The following ASAP1 variants were observed in gnomAD, a reference collection of about 807,000 sequenced individuals.
The protein encoded by ASAP1 is ArfGAP with SH3 domain, ankyrin repeat and PH domain 1, also known as arf-GAP with SH3 domain, ANK repeat and PH domain-containing protein 1.
Under a neutral mutation model 145.2 loss-of-function variants are expected in ASAP1, and 43 were observed. That is an observed-to-expected ratio of 0.30 (90% CI 0.23 to 0.38). ASAP1 has a LOEUF of 0.38. Ranked by LOEUF, ASAP1 falls within the 10% of genes least tolerant of loss-of-function variation. The pLI, the probability that ASAP1 is intolerant of heterozygous loss-of-function variation, is 1.00. For synonymous variants in ASAP1, 546 were observed against 515.5 expected, an observed-to-expected ratio of 1.06 and a Z score of -0.80; for missense variants, 1,018 against 1,355.3, an observed-to-expected ratio of 0.75 and a Z score of 3.91.
chr8:130,112,303 T>C lies in ASAP1; in HGVS notation c.2192A>G (p.Glu731Gly), dbSNP rs1344416817. 6.2e-7 allele frequency: 1 copy of C among 1,614,014 alleles called. No homozygotes were observed. Among genetic ancestry groups the C allele is most frequent in the Non-Finnish European group, 8.5e-7 (1 of 1,179,960 alleles). ...GAAGCTCTGAGGTCTGGGTGAGCGC[T>C]CTTTCTTGATAGGGCTTGGCTGGCA... ...LDDKPSPIKK[E>G]RSPRPQSFCH... The change falls in exon 24 of 30, where the codon GAG becomes GGG. Residue 731 changes from glutamate (E) to glycine (G), a missense_variant. By Grantham distance (98) the Glu-to-Gly change is moderately conservative. Coordinates refer to ENST00000518721, the MANE Select transcript of ASAP1 (RefSeq NM_018482.4).
At chr8:130,384,052 T>C (rs918491290) in intron 2 of ASAP1, among the ~76,000 whole-genome samples, 5 of 152,180 alleles carry the variant, frequency 3.3e-5, no homozygotes, top group Admixed American at 2.6e-4. Flanking sequence ...AATGCTTGCA[T>C]AGGGGAAGCC....
intron 15 of ASAP1, 95 bp downstream of exon 15, chr8:130,134,201 T>C: frequency 1.0e-6 from 1 of 968,254 alleles, no homozygotes. Context: ...CCAGGCGAGG[T>C]TCTTACAAAT....
intron 10 of ASAP1, among the ~76,000 whole-genome samples, chr8:130,168,781 C>A (rs1002103071): frequency 2.0e-5 from 3 of 152,164 alleles, no homozygotes; most frequent in Non-Finnish European, 4.4e-5. Flanking sequence ...ATACTCCCCT[C>A]CCTGCTCCTC....
intron 5 of ASAP1, among the ~76,000 whole-genome samples, chr8:130,201,961 A>G (rs1205992398): frequency 1.3e-5 from 2 of 152,174 alleles, no homozygotes; most frequent in Admixed American, 6.5e-5. Flanking sequence ...TTCAACAAAC[A>G]TATGCAAGCA....
chr8:130,265,130 G>C (rs1820164865), intron 3 of ASAP1, among the ~76,000 whole-genome samples: 1 of 152,154 alleles, frequency 6.6e-6, no homozygotes. Flanking sequence ...ACTGTGATGG[G>C]GGAGCTTGTT....
chr8:130,361,577 A>G, intron 2 of ASAP1: 1 of 958,926 alleles, frequency 1.0e-6, no homozygotes, highest in South Asian at 1.4e-5. Context: ...CAAGAAAGGA[A>G]TATGCTCACA....
At chr8:130,220,923 G>C (rs753964162) in intron 4 of ASAP1, among the ~76,000 whole-genome samples, 21 of 152,272 alleles carry the variant, frequency 1.4e-4, no homozygotes, top group Admixed American at 8.5e-4. Flanking sequence ...CAGTCACTAT[G>C]ATGAGAACAG....
intron 24 of ASAP1, among the ~76,000 whole-genome samples, chr8:130,104,519 G>A (rs1592808308): frequency 1.3e-5 from 2 of 152,296 alleles, no homozygotes; most frequent in East Asian, 3.9e-4. Context: ...ATACAAAACA[G>A]CCAATGGAAA....
At chr8:130,374,850 C>T (rs1827406785) in intron 2 of ASAP1, among the ~76,000 whole-genome samples, 3 of 152,172 alleles carry the variant, frequency 2.0e-5, no homozygotes, top group Non-Finnish European at 4.4e-5. Context: ...ATGATTTATC[C>T]CTTAAGGATA....
At chr8:130,251,344 G>T (rs1011620098) in intron 3 of ASAP1, among the ~76,000 whole-genome samples, 1 of 152,102 alleles carries the variant, frequency 6.6e-6, no homozygotes, top group Admixed American at 6.5e-5. Context: ...CTTGAACCTG[G>T]GGGGAGGAGG....
At chr8:130,108,033 G>A (rs2097540541) in intron 24 of ASAP1, among the ~76,000 whole-genome samples, 2 of 152,200 alleles carry the variant, frequency 1.3e-5, no homozygotes, top group Non-Finnish European at 2.9e-5. Flanking sequence ...AGAGTAGTTA[G>A]TCTCTTCACC....
chr8:130,096,849 G>T (rs2097518981), intron 24 of ASAP1, among the ~76,000 whole-genome samples: 1 of 152,064 alleles, frequency 6.6e-6, no homozygotes, highest in Non-Finnish European at 1.5e-5. Flanking sequence ...CTTGAGGCCG[G>T]GCATGGTGGC....
intron 5 of ASAP1, among the ~76,000 whole-genome samples, chr8:130,199,282 A>G (rs983642830): frequency 6.6e-6 from 1 of 152,226 alleles, no homozygotes; most frequent in Admixed American, 6.5e-5. Context: ...GACTTGTTCT[A>G]TACACCAAAT....
intron 14 of ASAP1, among the ~76,000 whole-genome samples, chr8:130,136,197 T>C (rs1263073898): frequency 6.6e-5 from 10 of 152,104 alleles, no homozygotes; most frequent in East Asian, 1.9e-4. Context: ...AGCACACCCA[T>C]AGGAATCAGT....
At chr8:130,107,183 C>CTT (rs34978580) in intron 24 of ASAP1, among the ~76,000 whole-genome samples, 7 of 119,660 alleles carry the variant, frequency 5.8e-5, no homozygotes, top group East Asian at 5.1e-4. Context: ...TCTTCTTCTT[C>CTT]TTTTTTTTTT....
chr8:130,230,097 CAAACAA>C (rs1565114603), intron 4 of ASAP1, among the ~76,000 whole-genome samples: 22 of 150,948 alleles, frequency 1.5e-4, no homozygotes, highest in African/African-American at 4.9e-4. Flanking sequence ...AACAAACAAA[CAAACAA>C]ACACCAACCC....
chr8:130,221,384 A>G (rs919983456), intron 4 of ASAP1, among the ~76,000 whole-genome samples: 3 of 152,208 alleles, frequency 2.0e-5, no homozygotes, highest in African/African-American at 7.2e-5. Flanking sequence ...CCTCCTTTCT[A>G]GGAAGAGGAG....
chr8:130,419,516 A>G (rs1252053522), intron 1 of ASAP1, among the ~76,000 whole-genome samples: 1 of 152,152 alleles, frequency 6.6e-6, no homozygotes, highest in East Asian at 1.9e-4. Flanking sequence ...GGAGATGCCA[A>G]CATAGGAAGG....
intron 28 of ASAP1, among the ~76,000 whole-genome samples, chr8:130,058,501 T>C (rs983382865): frequency 6.6e-6 from 1 of 152,236 alleles, no homozygotes; most frequent in Admixed American, 6.5e-5. Flanking sequence ...GCATAATGAA[T>C]GTGCAGCATA....
Sources: allele counts gnomAD v4.1 joint callset (sites outside exome capture counted in the v4.1 genomes callset), GRCh38; gene constraint gnomAD v4.1.1; transcripts MANE v1.5; gene names NCBI Gene and HGNC (gene_info 2026-07-23, HGNC 2026-07-21).